The following DLGAP1 variants were observed in gnomAD, a reference collection of about 807,000 sequenced individuals.
The protein encoded by DLGAP1 is DLG associated protein 1.
DLGAP1 carries 11 observed loss-of-function variants against 90.8 expected under a neutral mutation model. The ratio of observed to expected loss-of-function variants is 0.12; its 90% CI spans 0.08 to 0.20. The LOEUF is 0.20. Among genes scored for constraint, DLGAP1 ranks in the 10% least tolerant of loss-of-function variants. The probability of loss-of-function intolerance (pLI) is 1.00; values close to 1 mark genes in which losing one functional copy is unlikely to be tolerated. For synonymous variants in DLGAP1, 558 were observed against 540.7 expected, an observed-to-expected ratio of 1.03 and a Z score of -0.44; for missense variants, 1,050 against 1,333.8, an observed-to-expected ratio of 0.79 and a Z score of 3.31.
At position 4,400,492 on chromosome 18, in the gene DLGAP1, T is replaced by C. The variant is rs370144133; in HGVS notation, c.-267+54514A>G. Among the ~76,000 whole-genome samples, 211 of 152,266 alleles carry C rather than the reference T, an allele frequency of 1.4e-3. 1 individual carries two copies. Among genetic ancestry groups the C allele is most frequent in the African/African-American group, 4.7e-3 (197 of 41,540 alleles). ...CAATCCAGAGAAGGAAACTGTCAGG[T>C]TGGCTCTTTCCTGTGTCCCATGTAT... On this transcript the variant is annotated intron_variant, in intron 1 of 12. Transcript: ENST00000315677.
At chr18:4,235,331 C>G (rs1038320189) in intron 1 of DLGAP1, among the ~76,000 whole-genome samples, 2 of 152,124 alleles carry the variant, frequency 1.3e-5, no homozygotes, top group Non-Finnish European at 2.9e-5. Context: ...ACTGGGGAAG[C>G]ACTGAGCTTG....
intron 7 of DLGAP1, among the ~76,000 whole-genome samples, chr18:3,666,731 C>G (rs1859466263): frequency 6.6e-6 from 1 of 152,124 alleles, no homozygotes; most frequent in Admixed American, 6.5e-5. Flanking sequence ...TCTAATCTGT[C>G]AATTTAAAAA....
chr18:3,733,036 G>C (rs540118882), intron 6 of DLGAP1, among the ~76,000 whole-genome samples: 7 of 152,048 alleles, frequency 4.6e-5, no homozygotes, highest in Non-Finnish European at 1.0e-4. Context: ...GGGAGATGAT[G>C]GAATTGGAAT....
At position 4,427,103 on chromosome 18, in the gene DLGAP1, A is replaced by T. The variant is rs1201766200; in HGVS notation, c.-267+27903T>A. 3.3e-5 allele frequency among the ~76,000 whole-genome samples: 5 copies of T among 151,970 alleles called. No homozygotes were observed. The East Asian group carries it at 9.6e-4, about 29-fold the overall frequency. On this transcript the variant is annotated intron_variant, in intron 1 of 12. Transcript: ENST00000315677. ...GAAAACTAAGAAAGAAAACTTTCAGAGTTTTTATCATCTTGTAAACATAAG... is the reference window on the plus strand; with the variant it reads ...GAAAACTAAGAAAGAAAACTTTCAGTGTTTTTATCATCTTGTAAACATAAG...
At chr18:3,852,184 T>A (rs759834977) in intron 4 of DLGAP1, among the ~76,000 whole-genome samples, 1 of 152,150 alleles carries the variant, frequency 6.6e-6, no homozygotes, top group Non-Finnish European at 1.5e-5. Context: ...AATCTACTTA[T>A]GAAAAAGATA....
chr18:3,527,108 CT>C (rs2051676742), intron 10 of DLGAP1, among the ~76,000 whole-genome samples: 1 of 152,164 alleles, frequency 6.6e-6, no homozygotes. Context: ...TATAGTTACA[CT>C]GTTCAAAAGA....
chr18:3,569,653 T>A (rs1278773433), intron 8 of DLGAP1, among the ~76,000 whole-genome samples: 1 of 151,992 alleles, frequency 6.6e-6, no homozygotes, highest in Non-Finnish European at 1.5e-5. Context: ...CATCCTGAAA[T>A]GTTTCTGTCA....
intron 4 of DLGAP1, among the ~76,000 whole-genome samples, chr18:3,862,917 C>A (rs1369191278): frequency 6.6e-6 from 1 of 152,264 alleles, no homozygotes; most frequent in African/African-American, 2.4e-5. Context: ...TTTGGGCACA[C>A]AGAAAACTAC....
intron 1 of DLGAP1, among the ~76,000 whole-genome samples, chr18:4,250,484 C>A (rs930858350): frequency 6.6e-6 from 1 of 152,172 alleles, no homozygotes; most frequent in African/African-American, 2.4e-5. Context: ...GATTATTTTG[C>A]TACCATTTTA....
chr18:3,868,007 A>G (rs75065182), intron 4 of DLGAP1, among the ~76,000 whole-genome samples: 1,657 of 152,226 alleles, frequency 0.011, 24 homozygotes, highest in African/African-American at 0.036. Flanking sequence ...GCCTCACCAC[A>G]CACCCCTCAC....
chr18:4,270,025 T>C (rs2079239746), intron 1 of DLGAP1, among the ~76,000 whole-genome samples: 1 of 152,222 alleles, frequency 6.6e-6, no homozygotes, highest in Non-Finnish European at 1.5e-5. Flanking sequence ...ATCCTTCACA[T>C]GTTACAGTAG....
At chr18:3,643,198 C>A (rs941097367) in intron 7 of DLGAP1, among the ~76,000 whole-genome samples, 16 of 150,984 alleles carry the variant, frequency 1.1e-4, no homozygotes, top group African/African-American at 3.9e-4. Context: ...TAATATGCCA[C>A]CTTTTGTATA....
chr18:4,106,149 C>T (rs1433985788), intron 2 of DLGAP1, among the ~76,000 whole-genome samples: 1 of 151,412 alleles, frequency 6.6e-6, no homozygotes, highest in African/African-American at 2.4e-5. Context: ...CTGTCTCTAG[C>T]TCAGAGACAA....
intron 8 of DLGAP1, chr18:3,571,101 A>G (rs1177794121): frequency 6.6e-6 from 1 of 151,930 alleles, no homozygotes; most frequent in East Asian, 2.0e-4. Flanking sequence ...ATTTCTTTAA[A>G]TATTTGTATT....
Position 3,880,106 on chromosome 18 carries a change from G to C in DLGAP1, c.-38C>G. 2.5e-6 allele frequency: 4 copies of C among 1,582,482 alleles called. No individual in the cohort carries two copies. The highest frequency in any genetic ancestry group is 3.4e-6 in the Non-Finnish European group (4 of 1,167,408). On this transcript the variant is annotated 5_prime_UTR_variant, in exon 4 of 13. Transcript: ENST00000315677. ...GCAGCCGCCAGGGTCATGGACACCC[G>C]GAAGTCAGGCTCCAGACCCGTCTTG...
intron 3 of DLGAP1, among the ~76,000 whole-genome samples, chr18:3,889,004 G>A (rs1330890502): frequency 3.2e-4 from 49 of 152,118 alleles, no homozygotes; most frequent in Non-Finnish European, 1.8e-4. Flanking sequence ...ACCAGCCATG[G>A]ACAGTGCCCT....
chr18:4,219,918 C>A (rs2078040166), intron 1 of DLGAP1, among the ~76,000 whole-genome samples: 1 of 151,972 alleles, frequency 6.6e-6, no homozygotes, highest in Non-Finnish European at 1.5e-5. Flanking sequence ...TAGTGTGATT[C>A]CTCCAGCTTT....
intron 1 of DLGAP1, among the ~76,000 whole-genome samples, chr18:4,444,153 C>A (rs57503523): frequency 0.06 from 9,120 of 152,242 alleles, 953 homozygotes; most frequent in African/African-American, 0.21. Context: ...AACTTAGAGC[C>A]CACTGTGACC....
chr18:3,530,856 G>A (rs918756730), intron 10 of DLGAP1, among the ~76,000 whole-genome samples: 3 of 152,138 alleles, frequency 2.0e-5, no homozygotes, highest in African/African-American at 7.2e-5. Flanking sequence ...CCCATTTATG[G>A]GTTTTACAGA....
Sources: gnomAD v4.1 joint callset for allele counts (sites outside exome capture counted in the v4.1 genomes callset) on GRCh38, gnomAD v4.1.1 for gene constraint, MANE v1.5 for transcripts, NCBI Gene and HGNC (gene_info 2026-07-23, HGNC 2026-07-21) for gene names.